Variants in CPT1A observed in about 807,000 individuals in gnomAD.
CPT1A encodes the protein carnitine O-palmitoyltransferase 1, liver isoform.
In CPT1A, 64 loss-of-function variants were observed where a neutral mutation model predicts 100.8. The observed-to-expected ratio is 0.63, with a 90% CI of 0.52 to 0.78. The LOEUF is 0.78. CPT1A is among the 30% of genes least tolerant of loss of function. The probability of loss-of-function intolerance (pLI) is 0.00; values close to 1 mark genes in which losing one functional copy is unlikely to be tolerated. For synonymous variants in CPT1A, 363 were observed against 396.0 expected (o/e 0.92, Z 0.99); for missense variants, 802 against 1,034.1 (o/e 0.78, Z 3.08).
chr11:68,774,044 G>C (rs544346331), intron 13 of CPT1A, among the ~76,000 whole-genome samples: 13 of 152,286 alleles, frequency 8.5e-5, no homozygotes, highest in Admixed American at 7.2e-4. Flanking sequence ...GGGAGGAATT[G>C]GGAGAAGTAA....
At chr11:68,824,280 G>A (rs971631402) in intron 1 of CPT1A, among the ~76,000 whole-genome samples, 9 of 150,958 alleles carry the variant, frequency 6.0e-5, no homozygotes, top group Non-Finnish European at 1.0e-4. Context: ...AAAAAAGATG[G>A]AAATAACAGA....
In CPT1A at chr11:68,773,697, C is replaced by T. The variant is rs531240052; in HGVS notation, c.1576-268G>A. ...TCCGACACACACTGGGAATATCACG[C>T]GACCATCAGTGATGGTCAGGTGGTT... On this transcript the variant is annotated intron_variant, in intron 13 of 18. Coordinates refer to ENST00000265641, the MANE Select transcript of CPT1A (RefSeq NM_001876.4). The T allele has an allele frequency of 2.0e-4, 87 of 445,720 alleles. No homozygotes were observed. In the East Asian group the frequency reaches 3.6e-3, roughly 19 times the overall value. The allele number at this position is 445,720 out of a possible 1,614,324, so 27.6% of individuals were successfully genotyped here.
Position 68,765,194 on chromosome 11 carries a change from T to C in CPT1A, c.1741-2433A>G, listed in dbSNP as rs534819150. ...TAAAAGGGAAAGCGGAAATGTGGCA[T>C]TTTAGTTATTTAATAAAGGTAAACT... On this transcript the variant is annotated intron_variant, in intron 14 of 18. Transcript: ENST00000265641. Among the ~76,000 whole-genome samples, 205 of 152,334 alleles carry C rather than the reference T, an allele frequency of 1.3e-3. 1 individual carries two copies. The highest frequency in any genetic ancestry group is 4.8e-3 in the African/African-American group (198 of 41,576).
At chr11:68,823,941 A>C (rs1856654019) in intron 1 of CPT1A, among the ~76,000 whole-genome samples, 1 of 151,644 alleles carries the variant, frequency 6.6e-6, no homozygotes, top group Non-Finnish European at 1.5e-5. Context: ...ATGGGTACCC[A>C]TAGACATAAA....
At chr11:68,826,058 C>T (rs1856718047) in intron 1 of CPT1A, among the ~76,000 whole-genome samples, 1 of 152,184 alleles carries the variant, frequency 6.6e-6, no homozygotes. Flanking sequence ...GCACCACACC[C>T]GCCTTCCCTC....
intron 9 of CPT1A, among the ~76,000 whole-genome samples, chr11:68,787,032 C>G (rs1455506617): frequency 1.3e-5 from 2 of 152,044 alleles, no homozygotes; most frequent in East Asian, 3.8e-4. Flanking sequence ...AAATAAGAAA[C>G]AAGTAAAAGA....
At chr11:68,838,241 T>C (rs1857059880) in intron 1 of CPT1A, among the ~76,000 whole-genome samples, 1 of 151,840 alleles carries the variant, frequency 6.6e-6, no homozygotes, top group African/African-American at 2.4e-5. Flanking sequence ...TCCAAAGACG[T>C]TCCTGGACCG....
Position 68,761,531 on chromosome 11 carries a change from T to C in CPT1A, c.2028+4A>G. 2 of 1,613,802 alleles carry C rather than the reference T, an allele frequency of 1.2e-6. No individual in the cohort carries two copies. The highest frequency in any genetic ancestry group is 1.7e-6 in the Non-Finnish European group (2 of 1,179,828). On this transcript the variant is annotated splice_donor_region_variant and intron_variant, in intron 16 of 18. Coordinates refer to ENST00000265641, the MANE Select transcript of CPT1A (RefSeq NM_001876.4). ...AACTGACGGAAGAAGTGGAAGAGAC[T>C]TACTTCCTTAAGGAAAGGGGACTCC...
intron 9 of CPT1A, among the ~76,000 whole-genome samples, chr11:68,793,060 T>C (rs920171687): frequency 2.6e-5 from 4 of 151,604 alleles, no homozygotes; most frequent in African/African-American, 4.8e-5. Context: ...AATAAATAAA[T>C]AAATAAATAA....
intron 12 of CPT1A, among the ~76,000 whole-genome samples, chr11:68,778,824 C>A (rs536732392): frequency 6.6e-6 from 1 of 151,552 alleles, no homozygotes; most frequent in South Asian, 2.1e-4. Flanking sequence ...CTCACTCTTT[C>A]GTCCAGGCTG....
At chr11:68,760,114 G>T (rs1405286929) in intron 17 of CPT1A, 111 bp downstream of exon 17, 1 of 757,708 alleles carries the variant, frequency 1.3e-6, no homozygotes, top group Non-Finnish European at 2.3e-6. Context: ...CTTTACGGCG[G>T]TAGAACCGCA....
chr11:68,763,985 G>A (rs116243300), intron 14 of CPT1A, among the ~76,000 whole-genome samples: 212 of 152,266 alleles, frequency 1.4e-3, no homozygotes, highest in African/African-American at 5.0e-3. Flanking sequence ...AGAAAAGGGA[G>A]GGCAGGGAGG....
intron 3 of CPT1A, among the ~76,000 whole-genome samples, chr11:68,811,491 T>C (rs1429273911): frequency 6.6e-6 from 1 of 151,570 alleles, no homozygotes; most frequent in Non-Finnish European, 1.5e-5. Flanking sequence ...GACGTTCAAA[T>C]GGTGGTAAAG....
intron 1 of CPT1A, among the ~76,000 whole-genome samples, chr11:68,829,632 G>A (rs539968076): frequency 4.1e-4 from 63 of 152,356 alleles, no homozygotes; most frequent in African/African-American, 1.0e-3. Flanking sequence ...TCACTCACTC[G>A]TTCCCACAAA....
intron 1 of CPT1A, among the ~76,000 whole-genome samples, chr11:68,822,829 A>T (rs1856622089): frequency 6.6e-6 from 1 of 152,182 alleles, no homozygotes; most frequent in Non-Finnish European, 1.5e-5. Context: ...AAGAAGCCAT[A>T]CAGAAGGTCA....
upstream of CPT1A, chr11:68,841,989 CGGCGG>C: frequency 3.0e-6 from 3 of 984,728 alleles, no homozygotes; most frequent in Non-Finnish European, 3.6e-6. The surrounding 1 kb of genome is among the most constrained non-coding windows in gnomAD (Gnocchi z 6.3). Context: ...CCCGGGGCCT[CGGCGG>C]GGCGGGGCGT....
intron 3 of CPT1A, 28 bp from the exon 4 acceptor site, chr11:68,807,666 G>T (rs1290919537): frequency 3.7e-6 from 6 of 1,612,506 alleles, no homozygotes; most frequent in Admixed American, 3.3e-5. Context: ...GACAAGGGAG[G>T]CTGTGCGTGA....
Position 68,812,460 on chromosome 11 carries a change from T to G in CPT1A, c.258A>C (p.Lys86Asn). Residue 86 changes from lysine (K) to asparagine (N), a missense_variant, in exon 3 of 19, where the codon AAA becomes AAC. Physicochemically the swap from Lys to Asn is moderately conservative, Grantham distance 94 (BLOSUM62 0). Around this residue, in one of 4 missense-constraint regions of CPT1A, gnomAD observed 161 missense variants for 183.7 expected, o/e 0.88. Coordinates refer to ENST00000265641, the MANE Select transcript of CPT1A (RefSeq NM_001876.4). Reference sequence around the variant, plus strand: ...ACGCCGTTTCCAGAGTCCGATTGATTTTTGCAATTATTCCTAACGAGGGGT... The same window carrying G: ...ACGCCGTTTCCAGAGTCCGATTGATGTTTGCAATTATTCCTAACGAGGGGT... ...KIDPSLGIIA[K>N]INRTLETANC... 2.5e-6 allele frequency: 4 copies of G among 1,614,182 alleles called. No homozygotes were observed. The highest frequency in any genetic ancestry group is 3.4e-6 in the Non-Finnish European group (4 of 1,180,032).
At chr11:68,805,732 C>G (rs73520857) in intron 4 of CPT1A, among the ~76,000 whole-genome samples, 8,104 of 152,290 alleles carry the variant, frequency 0.053, 712 homozygotes, top group African/African-American at 0.18. Context: ...GAAAATGTTT[C>G]CATGATGACC....
Sources: allele counts gnomAD v4.1 joint callset (sites outside exome capture counted in the v4.1 genomes callset), GRCh38; gene constraint gnomAD v4.1.1; regional missense constraint gnomAD v4.1.1; non-coding constraint Gnocchi (gnomAD v3.1); transcripts MANE v1.5; gene names NCBI Gene and HGNC (gene_info 2026-07-23, HGNC 2026-07-21).